Variants in THRB observed in about 807,000 individuals in gnomAD.
THRB encodes the protein nuclear receptor subfamily 1 group A member 2.
THRB carries 12 observed loss-of-function variants against 47.8 expected under a neutral mutation model. The ratio of observed to expected loss-of-function variants is 0.25; its 90% CI spans 0.16 to 0.41. THRB has a LOEUF of 0.41. THRB is among the 10% of genes least tolerant of loss of function. The pLI is 1.00. For missense variants in THRB, 348 were observed against 589.2 expected (o/e 0.59, Z 4.24); for synonymous variants, 218 against 212.2 (o/e 1.03, Z -0.24).
At chr3:24,171,292 C>T (rs1289930342) in intron 5 of THRB, among the ~76,000 whole-genome samples, 1 of 152,182 alleles carries the variant, frequency 6.6e-6, no homozygotes, top group Admixed American at 6.5e-5. Flanking sequence ...TCTTCGGACT[C>T]ATTGCTTTTG....
intron 1 of THRB, among the ~76,000 whole-genome samples, chr3:24,460,383 A>G (rs1323140114): frequency 7.9e-5 from 12 of 152,202 alleles, no homozygotes; most frequent in Admixed American, 7.9e-4. Flanking sequence ...TTTACCCTCA[A>G]TTATCTTTAT....
At chr3:24,429,343 A>G (rs890239426) in intron 1 of THRB, among the ~76,000 whole-genome samples, 1 of 151,408 alleles carries the variant, frequency 6.6e-6, no homozygotes, top group African/African-American at 2.4e-5. Context: ...TGTAAGTTAT[A>G]TGCATATATG....
chr3:24,377,546 C>T (rs1400237619), intron 1 of THRB, among the ~76,000 whole-genome samples: 1 of 152,096 alleles, frequency 6.6e-6, no homozygotes, highest in Non-Finnish European at 1.5e-5. Context: ...TTGGATTTAG[C>T]TCTGTCAAAA....
At position 24,118,420 on chromosome 3, in the gene THRB, C is replaced by A. The variant is rs987156010; in HGVS notation, c.*4464G>T. On this transcript the variant is annotated 3_prime_UTR_variant, in exon 11 of 11. Coordinates refer to ENST00000646209, the MANE Select transcript of THRB (RefSeq NM_001354712.2). ...GGCTGAAAAAAATATCACCATCTAG[C>A]AATATCACTTAACACTGTTTGCAAA... 2 of 152,560 alleles carry A rather than the reference C, an allele frequency of 1.3e-5. No homozygotes were observed. The highest frequency in any genetic ancestry group is 4.8e-5 in the African/African-American group (2 of 41,424). 9.5% of individuals were successfully genotyped at this position (152,560 alleles called of 1,614,324 possible). A position where few individuals can be genotyped will look rare whatever the true frequency, so the allele number is the denominator to read the frequency against.
intron 3 of THRB, among the ~76,000 whole-genome samples, chr3:24,267,400 C>T (rs1224371572): frequency 1.3e-5 from 2 of 150,892 alleles, no homozygotes; most frequent in Admixed American, 1.3e-4. Context: ...ATCTGCAGAT[C>T]AAAAAAACTA....
At chr3:24,473,916 A>T (rs985523979) in intron 1 of THRB, among the ~76,000 whole-genome samples, 11 of 152,184 alleles carry the variant, frequency 7.2e-5, no homozygotes, top group African/African-American at 2.4e-4. Context: ...GAACACATGG[A>T]CACAGGGAGG....
intron 1 of THRB, among the ~76,000 whole-genome samples, chr3:24,347,222 G>A (rs1577018691): frequency 6.6e-6 from 1 of 151,994 alleles, no homozygotes; most frequent in Non-Finnish European, 1.5e-5. Flanking sequence ...CATCTCAAGT[G>A]TGTGAGATGC....
chr3:24,343,721 A>G (rs1441261694), intron 1 of THRB, among the ~76,000 whole-genome samples: 1 of 151,998 alleles, frequency 6.6e-6, no homozygotes, highest in Non-Finnish European at 1.5e-5. Flanking sequence ...CTTCTCAAAT[A>G]GCACCCAGAC....
intron 3 of THRB, among the ~76,000 whole-genome samples, chr3:24,230,823 G>A (rs905168974): frequency 2.6e-5 from 4 of 152,162 alleles, no homozygotes; most frequent in African/African-American, 9.7e-5. Context: ...TGATTTTTCA[G>A]GGTGAAAGAA....
chr3:24,294,508 G>A (rs1420682178), intron 3 of THRB, among the ~76,000 whole-genome samples: 8 of 152,212 alleles, frequency 5.3e-5, no homozygotes, highest in Non-Finnish European at 5.9e-5. Context: ...GGTAGTATGA[G>A]GAGGGTTTCT....
intron 1 of THRB, among the ~76,000 whole-genome samples, chr3:24,431,482 C>T (rs1214864049): frequency 6.6e-6 from 1 of 152,048 alleles, no homozygotes; most frequent in Non-Finnish European, 1.5e-5. Context: ...AAAAGCCTGA[C>T]ATTACCAAAT....
intron 1 of THRB, among the ~76,000 whole-genome samples, chr3:24,415,425 T>C (rs1183992871): frequency 6.6e-6 from 1 of 151,886 alleles, no homozygotes; most frequent in Non-Finnish European, 1.5e-5. Flanking sequence ...CCATAAGGAA[T>C]CTATCCCCTT....
At chr3:24,325,427 C>T (rs539988740) in intron 2 of THRB, among the ~76,000 whole-genome samples, 1 of 152,220 alleles carries the variant, frequency 6.6e-6, no homozygotes, top group Non-Finnish European at 1.5e-5. Flanking sequence ...TGGTTTATGC[C>T]TGTAGTCCCA....
chr3:24,267,393 TG>T lies in THRB; in HGVS notation c.-43+29832del, dbSNP rs199814320. On this transcript the variant is annotated intron_variant, in intron 3 of 10. Transcript: ENST00000646209. ...CTGAAAAAAAAAAAAGACTTGAATC[TG>T]CAGATCAAAAAAACTACAGTGTTCC... Among the ~76,000 whole-genome samples, 100 of 150,802 alleles carry T rather than the reference TG, an allele frequency of 6.6e-4. 1 individual carries two copies. The East Asian group carries it at 0.019, about 28-fold the overall frequency.
chr3:24,445,453 C>T (rs1051746207), intron 1 of THRB, among the ~76,000 whole-genome samples: 1 of 151,932 alleles, frequency 6.6e-6, no homozygotes, highest in East Asian at 1.9e-4. Context: ...AAGGCAAACA[C>T]CAAACTGGAA....
In THRB at chr3:24,146,792, G is replaced by T. The variant is rs1467626353; in HGVS notation, c.415C>A (p.Leu139Ile). ...GFFRRTIQKN[L>I]HPSYSCKYEG... ...TATTTACAGGAATAGGATGGATGGA[G>T]ATTTTTCTGAATGGTTCTTCTAAAG... Residue 139 changes from leucine to isoleucine, a missense_variant, in exon 7 of 11, where the codon CTC becomes ATC. Leu to Ile is a conservative substitution (Grantham distance 5). Coordinates refer to ENST00000646209, the MANE Select transcript of THRB (RefSeq NM_001354712.2). 4 of 1,613,930 alleles carry T rather than the reference G, an allele frequency of 2.5e-6. No individual in the cohort carries two copies. Among genetic ancestry groups the T allele is most frequent in the Non-Finnish European group, 3.4e-6 (4 of 1,179,846 alleles).
intron 1 of THRB, among the ~76,000 whole-genome samples, chr3:24,437,353 C>G (rs939078315): frequency 6.6e-6 from 1 of 151,794 alleles, no homozygotes; most frequent in Non-Finnish European, 1.5e-5. Context: ...TGGAGGAAGA[C>G]AGCAGATTGG....
At chr3:24,155,807 C>T (rs1489687169) in intron 5 of THRB, among the ~76,000 whole-genome samples, 1 of 152,152 alleles carries the variant, frequency 6.6e-6, no homozygotes, top group Non-Finnish European at 1.5e-5. Flanking sequence ...GAAACAAATA[C>T]TACAGACACA....
chr3:24,338,445 A>G (rs1265317584), intron 1 of THRB, among the ~76,000 whole-genome samples: 1 of 152,180 alleles, frequency 6.6e-6, no homozygotes, highest in Non-Finnish European at 1.5e-5. Context: ...CTTTTGTTCT[A>G]CACTTTTGAC....
Sources: allele counts gnomAD v4.1 joint callset (sites outside exome capture counted in the v4.1 genomes callset), GRCh38; gene constraint gnomAD v4.1.1; transcripts MANE v1.5; gene names NCBI Gene and HGNC (gene_info 2026-07-23, HGNC 2026-07-21).